Variants in HMGN5 observed in about 807,000 individuals in gnomAD.
The protein encoded by HMGN5 is high mobility group nucleosome-binding domain-containing protein 5.
A neutral mutation model predicts 9.5 loss-of-function variants in HMGN5; 4 were observed. That is an observed-to-expected ratio of 0.42 (90% confidence interval 0.21 to 0.96). The LOEUF is 0.96. Among genes scored for constraint, HMGN5 ranks in the 40% least tolerant of loss-of-function variants. The pLI is 0.30. For missense variants in HMGN5, 192 were observed against 187.5 expected, an observed-to-expected ratio of 1.02 and a Z score of -0.14; for synonymous variants, 55 against 57.1, an observed-to-expected ratio of 0.96 and a Z score of 0.16.
intron 5 of HMGN5, 46 bp downstream of exon 5, chrX:81,118,386 G>A: frequency 1.2e-6 from 1 of 860,506 alleles, no homozygotes; most frequent in Non-Finnish European, 1.6e-6. Context: ...AATTATTTTT[G>A]AAAAAAAAAG....
intron 1 of HMGN5, among the ~76,000 whole-genome samples, chrX:81,183,337 C>T (rs929434487): frequency 8.9e-6 from 1 of 112,578 alleles, no homozygotes; most frequent in African/African-American, 3.2e-5. Context: ...GCAGCTCCTT[C>T]CATCACAGGC....
intron 1 of HMGN5, among the ~76,000 whole-genome samples, chrX:81,140,671 G>T (rs771935602): frequency 9.1e-6 from 1 of 109,564 alleles, no homozygotes; most frequent in Non-Finnish European, 1.9e-5. Context: ...CTGGTACTAC[G>T]TCAAGGCCTT....
At chrX:81,144,061 T>A (rs779670801) in intron 1 of HMGN5, among the ~76,000 whole-genome samples, 97 of 111,653 alleles carry the variant, frequency 8.7e-4, no homozygotes, top group African/African-American at 3.0e-3. Context: ...AAGGAACAGC[T>A]GTGGGCACAG....
At chrX:81,134,086 A>C (rs773951109) in intron 1 of HMGN5, among the ~76,000 whole-genome samples, 1 of 111,669 alleles carries the variant, frequency 9.0e-6, no homozygotes, top group Admixed American at 9.5e-5. Flanking sequence ...ATACATTTAG[A>C]TCTAGCAAAA....
intron 1 of HMGN5, among the ~76,000 whole-genome samples, chrX:81,186,222 C>T (rs919604487): frequency 8.9e-6 from 1 of 111,736 alleles, no homozygotes; most frequent in Non-Finnish European, 1.9e-5. Flanking sequence ...TGGAATTCAG[C>T]AGTGAAACCA....
chrX:81,119,724 G>T (rs769298357), intron 3 of HMGN5, 64 bp downstream of exon 3: 22 of 972,261 alleles, frequency 2.3e-5, no homozygotes, highest in Middle Eastern at 5.1e-4. Flanking sequence ...TTTTTTAGCT[G>T]CTTATGTCAA....
intron 1 of HMGN5, among the ~76,000 whole-genome samples, chrX:81,179,518 G>A (rs1288865602): frequency 9.0e-6 from 1 of 111,294 alleles, no homozygotes; most frequent in Non-Finnish European, 1.9e-5. Context: ...CCTCTTCAAG[G>A]AGAACTACAA....
chrX:81,188,958 A>G (rs1385768918), intron 1 of HMGN5, among the ~76,000 whole-genome samples: 3 of 111,496 alleles, frequency 2.7e-5, no homozygotes, highest in Admixed American at 9.5e-5. Flanking sequence ...CATTATTACC[A>G]GTTTACTTTG....
At chrX:81,198,917 A>G (rs1377605874) in intron 1 of HMGN5, among the ~76,000 whole-genome samples, 1 of 112,015 alleles carries the variant, frequency 8.9e-6, no homozygotes, top group Non-Finnish European at 1.9e-5. Context: ...GTATTCAATT[A>G]GGAAAAGAGG....
intron 1 of HMGN5, among the ~76,000 whole-genome samples, chrX:81,124,450 A>T (rs2075277434): frequency 8.9e-6 from 1 of 112,548 alleles, no homozygotes; most frequent in Admixed American, 9.4e-5. Flanking sequence ...CAATTATTTT[A>T]GCCCTAAGAA....
intron 1 of HMGN5, among the ~76,000 whole-genome samples, chrX:81,200,859 A>G (rs2075524688): frequency 9.0e-6 from 1 of 111,023 alleles, no homozygotes; most frequent in African/African-American, 3.3e-5. Flanking sequence ...AGTATAATTA[A>G]AAAAAAATAA....
At chrX:81,148,189 A>T (rs934529056) in intron 1 of HMGN5, among the ~76,000 whole-genome samples, 1 of 112,142 alleles carries the variant, frequency 8.9e-6, no homozygotes, top group African/African-American at 3.2e-5. Flanking sequence ...ATCCTAAGCA[A>T]AAAGAACAAA....
intron 1 of HMGN5, among the ~76,000 whole-genome samples, chrX:81,170,352 G>A (rs1210145170): frequency 9.0e-6 from 1 of 111,411 alleles, no homozygotes; most frequent in African/African-American, 3.3e-5. Flanking sequence ...AAAACAAATG[G>A]GTTAGAGTCA....
intron 1 of HMGN5, among the ~76,000 whole-genome samples, chrX:81,146,130 T>A (rs1453649437): frequency 3.6e-5 from 4 of 111,387 alleles, no homozygotes; most frequent in Non-Finnish European, 7.5e-5. Flanking sequence ...GGATGTGAAC[T>A]CAGCTCTGGA....
At chrX:81,201,432 T>A (rs182155335) in intron 1 of HMGN5, among the ~76,000 whole-genome samples, 1 of 111,815 alleles carries the variant, frequency 8.9e-6, no homozygotes, top group East Asian at 2.8e-4. Flanking sequence ...ATCATCCATC[T>A]TTTTACACAA....
chrX:81,124,505 A>G (rs1289194686), intron 1 of HMGN5, among the ~76,000 whole-genome samples: 1 of 112,386 alleles, frequency 8.9e-6, no homozygotes, highest in Non-Finnish European at 1.9e-5. Flanking sequence ...TGTACTACTC[A>G]TAGGACACAA....
intron 1 of HMGN5, among the ~76,000 whole-genome samples, chrX:81,184,865 C>A (rs1290573082): frequency 1.8e-5 from 2 of 111,614 alleles, no homozygotes; most frequent in African/African-American, 3.3e-5. Context: ...TTTCTCAACA[C>A]CATTTATTAA....
At chrX:81,164,726 T>A (rs2147629686) in intron 1 of HMGN5, among the ~76,000 whole-genome samples, 1 of 111,429 alleles carries the variant, frequency 9.0e-6, no homozygotes, top group Non-Finnish European at 1.9e-5. Context: ...TGTCTAAGAT[T>A]TCTTTCTAAT....
chrX:81,141,423 G>A (rs1337326984), intron 1 of HMGN5, among the ~76,000 whole-genome samples: 1 of 109,016 alleles, frequency 9.2e-6, no homozygotes, highest in African/African-American at 3.3e-5. Flanking sequence ...CCACAAGAAT[G>A]CTTATTTCGC....
Sources: gnomAD v4.1 joint callset for allele counts (sites outside exome capture counted in the v4.1 genomes callset) on GRCh38, gnomAD v4.1.1 for gene constraint, MANE v1.5 for transcripts, NCBI Gene and HGNC (gene_info 2026-07-23, HGNC 2026-07-21) for gene names.